ALDH4A1: variants seen among roughly 807,000 people sequenced by gnomAD.
ALDH4A1 encodes the protein delta-1-pyrroline-5-carboxylate dehydrogenase, mitochondrial.
Under a neutral mutation model 70.5 loss-of-function variants are expected in ALDH4A1, and 46 were observed. The observed-to-expected ratio is 0.65, with a 90% confidence interval of 0.51 to 0.83. The LOEUF (loss-of-function observed/expected upper bound fraction) is 0.83, where lower values mean the gene tolerates loss of function less well. Ranked by LOEUF, ALDH4A1 falls within the 40% of genes least tolerant of loss-of-function variation. The pLI, the probability that ALDH4A1 is intolerant of heterozygous loss-of-function variation, is 0.00. For synonymous variants in ALDH4A1, 323 were observed against 324.3 expected (o/e 1.00, Z 0.04); for missense variants, 749 against 766.5 (o/e 0.98, Z 0.27).
At chr1:18,879,471 G>T in intron 8 of ALDH4A1, 98 bp from the exon 9 acceptor site, 3 of 1,095,892 alleles carry the variant, frequency 2.7e-6, no homozygotes, top group Non-Finnish European at 4.1e-6. Context: ...AGCCCAGCAG[G>T]AGGTGGGAGC....
chr1:18,879,883 A>C (rs867609907), intron 8 of ALDH4A1, among the ~76,000 whole-genome samples: 1 of 152,152 alleles, frequency 6.6e-6, no homozygotes, highest in Non-Finnish European at 1.5e-5. Flanking sequence ...GCCCGAAGCC[A>C]CCACCCTGGA....
Position 18,902,538 on chromosome 1 carries a change from G to C in ALDH4A1, c.-15C>G, listed in dbSNP as rs550902792. ...GGCAGCAGCATCTCGGGTTAGAAGC[G>C]GGGCTGTTCGCTGGATCGTCCGCCC... On this transcript the variant is annotated 5_prime_UTR_variant, in exon 1 of 15. Transcript: ENST00000375341. 12 of 1,484,316 alleles carry C rather than the reference G, an allele frequency of 8.1e-6. No homozygotes were observed. Among genetic ancestry groups the C allele is most frequent in the Non-Finnish European group, 9.8e-6 (11 of 1,117,682 alleles). The allele number at this position is 1,484,316 out of a possible 1,614,324, so 91.9% of individuals were successfully genotyped here. A position where few individuals can be genotyped will look rare whatever the true frequency, so the allele number is the denominator to read the frequency against.
intron 5 of ALDH4A1, 46 bp downstream of exon 5, chr1:18,885,427 T>TTCCCCCCCCCCCCCCCCCCCCC: frequency 6.1e-6 from 4 of 650,920 alleles, no homozygotes; most frequent in Admixed American, 2.3e-5. Context: ...CACACCTGAC[T>TTCCCCCCCCCCCCCCCCCCCCC]CCCACCCCAC....
chr1:18,887,645 A>G (rs1421060638), intron 3 of ALDH4A1, among the ~76,000 whole-genome samples: 1 of 152,080 alleles, frequency 6.6e-6, no homozygotes, highest in African/African-American at 2.4e-5. Flanking sequence ...GTAAAGGTAC[A>G]AGGAACACCA....
chr1:18,891,775 C>T (rs1048222771), intron 1 of ALDH4A1, among the ~76,000 whole-genome samples: 1 of 152,184 alleles, frequency 6.6e-6, no homozygotes, highest in Non-Finnish European at 1.5e-5. Context: ...CACCTGTAAT[C>T]ACAGGACTTT....
chr1:18,895,816 A>G lies in ALDH4A1; in HGVS notation c.63-5711T>C, dbSNP rs1935597784. Among the ~76,000 whole-genome samples, 3 of 152,206 alleles carry G rather than the reference A, an allele frequency of 2.0e-5. No homozygotes were observed. In the South Asian group the frequency reaches 6.2e-4, roughly 32 times the overall value. ...AGTCACTTCAACCTGGACTCACGCC[A>G]TGCCAGCCCTGCTCCAGTCTCCAAG... On this transcript the variant is annotated intron_variant, in intron 1 of 14. Transcript: ENST00000375341.
At chr1:18,892,566 G>GGGGGT (rs1553155187) in intron 1 of ALDH4A1, among the ~76,000 whole-genome samples, 1 of 151,576 alleles carries the variant, frequency 6.6e-6, no homozygotes, top group Admixed American at 6.6e-5. Flanking sequence ...GGCGGGGGGG[G>GGGGGT]GCTGAGAGGG....
chr1:18,880,887 T>G lies in ALDH4A1; in HGVS notation c.866+813A>C, dbSNP rs1464675640. The stretch of plus-strand genomic sequence containing the variant: ...ACACAGAACTCTGACTCAGCCACTC[T>G]CCCTGCTTGAAGCCTTCCATGGCTC... On this transcript the variant is annotated intron_variant, in intron 8 of 14. Coordinates refer to ENST00000375341, the MANE Select transcript of ALDH4A1 (RefSeq NM_003748.4). This position sits in a 1 kb window ranked among gnomAD's most constrained non-coding sequence, Gnocchi z 5.1. Among the ~76,000 whole-genome samples, 2 of 152,114 alleles carry G rather than the reference T, an allele frequency of 1.3e-5. No homozygotes were observed. The highest frequency in any genetic ancestry group is 1.3e-4 in the Admixed American group (2 of 15,264).
chr1:18,873,088 G>A (rs958308175), intron 14 of ALDH4A1, 131 bp from the exon 15 acceptor site: 1 of 772,094 alleles, frequency 1.3e-6, no homozygotes, highest in Non-Finnish European at 2.2e-6. Context: ...CAAGCTTGGG[G>A]CATGCAGAAG....
chr1:18,872,798 G>T lies in ALDH4A1; in HGVS notation c.*47C>A. 6.6e-7 allele frequency: 1 copy of T among 1,504,860 alleles called. No homozygotes were observed. 93.2% of individuals were successfully genotyped at this position (1,504,860 alleles called of 1,614,324 possible). On this transcript the variant is annotated 3_prime_UTR_variant, in exon 15 of 15. Transcript: ENST00000375341. ...GGAGTGGGGTCTGTGCAGTGAGGTC[G>T]GCCACCTGGACGGACAGACAGCTGG...
chr1:18,887,396 G>A (rs894613564), intron 3 of ALDH4A1, among the ~76,000 whole-genome samples: 5 of 152,256 alleles, frequency 3.3e-5, no homozygotes, highest in Non-Finnish European at 2.9e-5. Context: ...TCAGGAGATC[G>A]AGACCATCCT....
chr1:18,886,433 C>T (rs774837933), intron 4 of ALDH4A1, 31 bp downstream of exon 4: 3 of 1,613,542 alleles, frequency 1.9e-6, no homozygotes, highest in Non-Finnish European at 2.5e-6. Context: ...CAACCCTAAC[C>T]CCGGGTCACC....
At position 18,881,651 on chromosome 1, in the gene ALDH4A1, G is replaced by GGGTTGCCC. The variant is rs112548638; in HGVS notation, c.866+48_866+49insGGGCAACC. 1.6e-5 allele frequency: 26 copies of GGGTTGCCC among 1,606,638 alleles called. No individual in the cohort carries two copies. The South Asian group carries it at 2.8e-4, about 17-fold the overall frequency. On this transcript the variant is annotated intron_variant, in intron 8 of 14. Coordinates refer to ENST00000375341, the MANE Select transcript of ALDH4A1 (RefSeq NM_003748.4). ...TCCCCAGGCAGACAGCAGGTGAGCAGGTGAACGTCCCCTAGCCACCACAGC... is the reference window on the plus strand; with the variant it reads ...TCCCCAGGCAGACAGCAGGTGAGCAGGGTTGCCCGTGAACGTCCCCTAGCCACCACAGC...
At chr1:18,897,398 C>T (rs1173766286) in intron 1 of ALDH4A1, among the ~76,000 whole-genome samples, 1 of 152,192 alleles carries the variant, frequency 6.6e-6, no homozygotes, top group Non-Finnish European at 1.5e-5. Context: ...CAAAAATTAG[C>T]TGGACGTGGT....
intron 1 of ALDH4A1, among the ~76,000 whole-genome samples, chr1:18,895,220 G>C (rs964347580): frequency 1.3e-5 from 2 of 152,164 alleles, no homozygotes; most frequent in African/African-American, 4.8e-5. Flanking sequence ...CTCCCACTTA[G>C]GGAAGGCGGC....
chr1:18,875,621 T>A (rs1187863510), intron 12 of ALDH4A1, 118 bp from the exon 13 acceptor site: 8 of 1,526,528 alleles, frequency 5.2e-6, no homozygotes, highest in Non-Finnish European at 7.2e-6. Flanking sequence ...CAGTTTACAC[T>A]TCAGTGTCTG....
At chr1:18,895,493 A>G (rs1033007384) in intron 1 of ALDH4A1, among the ~76,000 whole-genome samples, 1 of 152,246 alleles carries the variant, frequency 6.6e-6, no homozygotes, top group Non-Finnish European at 1.5e-5. Context: ...GATCCGATCC[A>G]TGAAGGCCAT....
Position 18,880,061 on chromosome 1 carries a change from GCTCCGCCCGCT to G in ALDH4A1, c.867-699_867-689del, listed in dbSNP as rs1934905819. ...AGCGTGGAGAATGGGGTCCAGGCCCGCTCCGCCCGCTGATAGGCGGGGAGCCCAGGGGCCCG... is the reference window on the plus strand; with the variant it reads ...AGCGTGGAGAATGGGGTCCAGGCCCGGATAGGCGGGGAGCCCAGGGGCCCG... On this transcript the variant is annotated intron_variant, in intron 8 of 14. Coordinates refer to ENST00000375341, the MANE Select transcript of ALDH4A1 (RefSeq NM_003748.4). The surrounding 1 kb of genome is among the most constrained non-coding windows in gnomAD (Gnocchi z 5.1). Among the ~76,000 whole-genome samples, 1 of 152,206 alleles carries G rather than the reference GCTCCGCCCGCT, an allele frequency of 6.6e-6. No homozygotes were observed. Among genetic ancestry groups the G allele is most frequent in the Non-Finnish European group, 1.5e-5 (1 of 68,020 alleles).
In ALDH4A1 at chr1:18,898,720, G is replaced by A. The variant is rs1253115302; in HGVS notation, c.62+3742C>T. On this transcript the variant is annotated intron_variant, in intron 1 of 14. Coordinates refer to ENST00000375341, the MANE Select transcript of ALDH4A1 (RefSeq NM_003748.4). The surrounding 1 kb of genome is among the most constrained non-coding windows in gnomAD (Gnocchi z 4.3). ...CTGCCCGGGGCCACAGAGCTGCCAA[G>A]AGTTGGAGCCAGGATCCAAGCCATG... Among the ~76,000 whole-genome samples the A allele has an allele frequency of 6.6e-6, 1 of 152,196 alleles. No individual in the cohort carries two copies. Among genetic ancestry groups the A allele is most frequent in the Admixed American group, 6.5e-5 (1 of 15,292 alleles).
Sources: gnomAD v4.1 joint callset for allele counts (sites outside exome capture counted in the v4.1 genomes callset) on GRCh38, gnomAD v4.1.1 for gene constraint, Gnocchi (gnomAD v3.1) non-coding constraint, MANE v1.5 for transcripts, NCBI Gene and HGNC (gene_info 2026-07-23, HGNC 2026-07-21) for gene names.